The following CFAP52 variants were observed in gnomAD, a reference collection of about 807,000 sequenced individuals.
CFAP52 encodes the protein cilia- and flagella-associated protein 52.
In CFAP52, 57 loss-of-function variants were observed where a neutral mutation model predicts 70.5. The observed-to-expected ratio is 0.81, with a 90% confidence interval of 0.65 to 1.01. The LOEUF (loss-of-function observed/expected upper bound fraction) is 1.01, where lower values mean the gene tolerates loss of function less well. Ranked by LOEUF, CFAP52 falls within the 50% of genes least tolerant of loss-of-function variation. The pLI is 0.00. For synonymous variants in CFAP52, 267 were observed against 292.5 expected (o/e 0.91, Z 0.89); for missense variants, 785 against 788.5 (o/e 1.00, Z 0.05).
intron 1 of CFAP52, among the ~76,000 whole-genome samples, chr17:9,582,626 T>C (rs929194171): frequency 6.6e-6 from 1 of 152,200 alleles, no homozygotes; most frequent in African/African-American, 2.4e-5. Flanking sequence ...AATAACAATG[T>C]CTTTAGTAAT....
intron 4 of CFAP52, among the ~76,000 whole-genome samples, chr17:9,595,603 A>T (rs1979288): frequency 0.96 from 146,284 of 152,152 alleles, 70,580 homozygotes; most frequent in East Asian, 1. Flanking sequence ...TCCATTCTGA[A>T]GTCCATGAGC....
intron 6 of CFAP52, among the ~76,000 whole-genome samples, chr17:9,604,706 C>T (rs568074908): frequency 4.0e-5 from 6 of 151,108 alleles, no homozygotes; most frequent in South Asian, 2.1e-4. Flanking sequence ...AGTGAGATCA[C>T]GCCATTGCAC....
intron 8 of CFAP52, among the ~76,000 whole-genome samples, chr17:9,625,556 C>T (rs899889972): frequency 6.6e-6 from 1 of 152,170 alleles, no homozygotes; most frequent in Non-Finnish European, 1.5e-5. Context: ...GATTTTCTAG[C>T]CCTCAACTCT....
intron 11 of CFAP52, among the ~76,000 whole-genome samples, chr17:9,636,133 C>T (rs1910767264): frequency 6.7e-6 from 1 of 149,526 alleles, no homozygotes; most frequent in Non-Finnish European, 1.5e-5. Flanking sequence ...GAGATCATGC[C>T]ACTGCACTCT....
chr17:9,626,283 G>A (rs528024662), intron 8 of CFAP52, among the ~76,000 whole-genome samples: 18 of 152,358 alleles, frequency 1.2e-4, no homozygotes, highest in South Asian at 2.1e-4. Context: ...AGGCTGGAGT[G>A]TAATGGCATG....
At chr17:9,602,243 A>G (rs77138371) in intron 6 of CFAP52, among the ~76,000 whole-genome samples, 1,906 of 152,244 alleles carry the variant, frequency 0.013, 41 homozygotes, top group African/African-American at 0.043. Flanking sequence ...CGTCGTCTAC[A>G]TTAAGTATTT....
chr17:9,578,577 C>T (rs368907834), intron 1 of CFAP52, among the ~76,000 whole-genome samples: 46 of 152,258 alleles, frequency 3.0e-4, no homozygotes, highest in African/African-American at 5.1e-4. Flanking sequence ...TATTTTGAGA[C>T]GGTGGAGTCT....
chr17:9,639,585 G>A, intron 12 of CFAP52, among the ~76,000 whole-genome samples: 1 of 152,160 alleles, frequency 6.6e-6, no homozygotes, highest in Admixed American at 6.6e-5. Context: ...TTGGGTAGGA[G>A]GGGATGGAAT....
In CFAP52 at chr17:9,640,262, T is replaced by C. The variant is rs138124935; in HGVS notation, c.1576-1462T>C. Among the ~76,000 whole-genome samples, 1,025 of 144,738 alleles carry C rather than the reference T, an allele frequency of 7.1e-3. 7 individuals are homozygous for C. Among genetic ancestry groups the C allele is most frequent in the African/African-American group, 0.025 (972 of 38,426 alleles). The allele number at this position is 144,738 out of a possible 152,430, so 95.0% of individuals were successfully genotyped here. On this transcript the variant is annotated intron_variant, in intron 12 of 13. Transcript: ENST00000352665. ...TTTTTTTCAACTTTAAGTTCAGGGG[T>C]ACATGTGCAGGATGTGCAGGTTTGT...
chr17:9,629,242 T>C (rs907665940), intron 9 of CFAP52, among the ~76,000 whole-genome samples: 3 of 152,224 alleles, frequency 2.0e-5, no homozygotes, highest in African/African-American at 4.8e-5. Flanking sequence ...GCATAAATTA[T>C]AGGCAGCGTG....
chr17:9,577,555 C>T (rs1292907345), intron 1 of CFAP52, among the ~76,000 whole-genome samples: 4 of 152,124 alleles, frequency 2.6e-5, no homozygotes, highest in African/African-American at 9.7e-5. Flanking sequence ...GTTGTGATGC[C>T]TGAAAGCTTT....
At chr17:9,597,830 A>AG (rs10688020) in intron 4 of CFAP52, among the ~76,000 whole-genome samples, 10,159 of 147,056 alleles carry the variant, frequency 0.069, 575 homozygotes, top group East Asian at 0.29. Context: ...AGAGAGAGAG[A>AG]AAGAGAGAAA....
intron 7 of CFAP52, among the ~76,000 whole-genome samples, chr17:9,610,649 C>T (rs1909679469): frequency 6.6e-6 from 1 of 152,136 alleles, no homozygotes; most frequent in Non-Finnish European, 1.5e-5. Context: ...ATTCTCCTGC[C>T]TCAGGCTCCC....
intron 9 of CFAP52, among the ~76,000 whole-genome samples, chr17:9,631,052 G>GAGAGAGAGAGAAAGAAAGAAAGAAAGAA (rs370935367): frequency 5.3e-5 from 2 of 37,954 alleles, no homozygotes; most frequent in African/African-American, 1.3e-4. Context: ...GAGAGAGAGA[G>GAGAGAGAGAGAAAGAAAGAAAGAAAGAA]AGAAAGAAAG....
intron 8 of CFAP52, among the ~76,000 whole-genome samples, chr17:9,623,479 A>C (rs1270264527): frequency 1.3e-5 from 2 of 152,194 alleles, no homozygotes; most frequent in African/African-American, 4.8e-5. Context: ...ATCAAACTCC[A>C]TCAATGCAAT....
At chr17:9,626,099 A>G (rs1597790088) in intron 8 of CFAP52, among the ~76,000 whole-genome samples, 1 of 152,170 alleles carries the variant, frequency 6.6e-6, no homozygotes, top group South Asian at 2.1e-4. Context: ...GATCCAATCA[A>G]TTGGGTTCTT....
In CFAP52 at chr17:9,643,305, C is replaced by A; in HGVS notation, c.*107C>A. ...CATTTCTCACAGCTCTGTTTTTGTTCTTGAGTCAATTTTTCTCTTTTTCTT... is the reference window on the plus strand; with the variant it reads ...CATTTCTCACAGCTCTGTTTTTGTTATTGAGTCAATTTTTCTCTTTTTCTT... On this transcript the variant is annotated 3_prime_UTR_variant, in exon 14 of 14. Coordinates refer to ENST00000352665, the MANE Select transcript of CFAP52 (RefSeq NM_145054.5). 5 of 1,056,120 alleles carry A rather than the reference C, an allele frequency of 4.7e-6. No individual in the cohort carries two copies. Among genetic ancestry groups the A allele is most frequent in the Non-Finnish European group, 6.3e-6 (5 of 793,706 alleles). 65.4% of individuals were successfully genotyped at this position (1,056,120 alleles called of 1,614,324 possible).
At chr17:9,605,687 T>C (rs1597780610) in intron 6 of CFAP52, among the ~76,000 whole-genome samples, 1 of 82,090 alleles carries the variant, frequency 1.2e-5, no homozygotes, top group Non-Finnish European at 2.2e-5. Context: ...AGAGTGAGAC[T>C]CCATCTGAAA....
chr17:9,632,724 A>G (rs1910607218), intron 9 of CFAP52, among the ~76,000 whole-genome samples, 164 bp from the exon 10 acceptor site: 1 of 147,598 alleles, frequency 6.8e-6, no homozygotes, highest in Non-Finnish European at 1.5e-5. Flanking sequence ...GGCAACCTGT[A>G]GAAGGGAAAG....
Sources: allele counts gnomAD v4.1 joint callset (sites outside exome capture counted in the v4.1 genomes callset), GRCh38; gene constraint gnomAD v4.1.1; transcripts MANE v1.5; gene names NCBI Gene and HGNC (gene_info 2026-07-23, HGNC 2026-07-21).